The following DPP6 variants were observed in gnomAD, a reference collection of about 807,000 sequenced individuals.
The protein encoded by DPP6 is dipeptidyl peptidase like 6.
In DPP6, 69 loss-of-function variants were observed where a neutral mutation model predicts 122.6. The observed-to-expected ratio is 0.56, with a 90% confidence interval of 0.46 to 0.69. The LOEUF is 0.69. DPP6 is among the 30% of genes least tolerant of loss of function. The probability of loss-of-function intolerance (pLI) is 0.00; values close to 1 mark genes in which losing one functional copy is unlikely to be tolerated. For synonymous variants in DPP6, 418 were observed against 433.1 expected (o/e 0.97, Z 0.43); for missense variants, 928 against 1,116.9 (o/e 0.83, Z 2.41).
chr7:154,575,328 G>A (rs1831514484), intron 5 of DPP6, among the ~76,000 whole-genome samples: 1 of 131,692 alleles, frequency 7.6e-6, no homozygotes, highest in Non-Finnish European at 1.6e-5. Context: ...GTGTGTATGT[G>A]TGTGTGGTGT....
intron 6 of DPP6, among the ~76,000 whole-genome samples, chr7:154,662,149 A>G (rs1402037619): frequency 6.6e-6 from 1 of 150,476 alleles, no homozygotes; most frequent in African/African-American, 2.5e-5. Context: ...GTGAATCACC[A>G]TGGCATATTG....
intron 8 of DPP6, among the ~76,000 whole-genome samples, chr7:154,732,045 G>GTT (rs534234100): frequency 3.4e-5 from 5 of 145,698 alleles, no homozygotes; most frequent in East Asian, 2.0e-4. Context: ...TCTTTTGTTT[G>GTT]TTTTTTTTTT....
intron 3 of DPP6, among the ~76,000 whole-genome samples, chr7:154,521,667 T>G (rs1477193194): frequency 3.3e-5 from 5 of 152,252 alleles, no homozygotes; most frequent in African/African-American, 1.2e-4. Flanking sequence ...CCAAATAATT[T>G]CCAAGCTGTG....
intron 1 of DPP6, among the ~76,000 whole-genome samples, chr7:154,281,892 G>A (rs1339199287): frequency 6.6e-6 from 1 of 152,156 alleles, no homozygotes; most frequent in Non-Finnish European, 1.5e-5. Flanking sequence ...CCTCATCTTG[G>A]CCTGAAAAGA....
chr7:154,479,466 C>G (rs1179798131), intron 3 of DPP6, among the ~76,000 whole-genome samples: 1 of 148,530 alleles, frequency 6.7e-6, no homozygotes, highest in Admixed American at 6.9e-5. Flanking sequence ...GCTAAGGCAG[C>G]AGAATCACTC....
intron 1 of DPP6, among the ~76,000 whole-genome samples, chr7:154,235,805 C>T (rs1295632062): frequency 6.6e-6 from 1 of 152,118 alleles, no homozygotes; most frequent in African/African-American, 2.4e-5. Flanking sequence ...GGTGTATTAC[C>T]TGGGCAACTA....
At chr7:154,056,680 T>C (rs555036633) in intron 1 of DPP6, among the ~76,000 whole-genome samples, 1 of 152,280 alleles carries the variant, frequency 6.6e-6, no homozygotes, top group East Asian at 1.9e-4. Flanking sequence ...ACCCATGATG[T>C]CCACCAGCCT....
intron 1 of DPP6, among the ~76,000 whole-genome samples, chr7:154,176,159 T>C (rs1197884997): frequency 1.3e-5 from 2 of 152,186 alleles, no homozygotes; most frequent in Non-Finnish European, 2.9e-5. Context: ...AGCAAGTGAA[T>C]TGAGTAAAAG....
chr7:153,778,508 T>G, the DPP6 span, among the ~76,000 whole-genome samples: 1 of 150,196 alleles, frequency 6.7e-6, no homozygotes, highest in African/African-American at 2.5e-5. Context: ...GGTTCAGGTT[T>G]ATTTAGGTAT....
At chr7:154,187,443 C>A (rs1256002169) in intron 1 of DPP6, among the ~76,000 whole-genome samples, 1 of 152,174 alleles carries the variant, frequency 6.6e-6, no homozygotes, top group South Asian at 2.1e-4. Context: ...ATCTGTAAAT[C>A]TGGTTATTGG....
the DPP6 span, among the ~76,000 whole-genome samples, chr7:153,773,145 G>A: frequency 6.7e-6 from 1 of 148,498 alleles, no homozygotes; most frequent in Admixed American, 6.7e-5. Flanking sequence ...TACTATGTAT[G>A]CGTGCACCTA....
the DPP6 span, among the ~76,000 whole-genome samples, chr7:153,830,608 C>T: frequency 3.0e-3 from 458 of 152,272 alleles, 15 homozygotes; most frequent in East Asian, 0.067. Context: ...TTTTCTCTCC[C>T]TGTTAATTTC....
chr7:154,873,944 A>T (rs938688778), intron 19 of DPP6, among the ~76,000 whole-genome samples: 1 of 145,460 alleles, frequency 6.9e-6, no homozygotes, highest in Non-Finnish European at 1.5e-5. Flanking sequence ...ATGTGCACAC[A>T]TGCACACACA....
rs1804988163 is a variant in DPP6 at position 154,877,512 on chromosome 7, A to G, written c.2078+1412A>G. ...AGGTTGATGAATCCAGACACCAACA[A>G]TGTCACCAACGACCCAGGCTCTCTC... On this transcript the variant is annotated intron_variant, in intron 20 of 25. Coordinates refer to ENST00000377770, the MANE Select transcript of DPP6 (RefSeq NM_130797.4). The surrounding 1 kb of genome is among the most constrained non-coding windows in gnomAD (Gnocchi z 5.2). 6.6e-6 allele frequency among the ~76,000 whole-genome samples: 1 copy of G among 152,024 alleles called. No individual in the cohort carries two copies. The highest frequency in any genetic ancestry group is 1.5e-5 in the Non-Finnish European group (1 of 67,988).
intron 5 of DPP6, among the ~76,000 whole-genome samples, chr7:154,584,277 GCCT>G (rs1418481731): frequency 6.6e-6 from 1 of 152,182 alleles, no homozygotes; most frequent in Non-Finnish European, 1.5e-5. Flanking sequence ...GGGAGCACCT[GCCT>G]CCTCCACTGA....
chr7:153,943,263 C>T (rs1249548914), intron 1 of DPP6, among the ~76,000 whole-genome samples: 1 of 152,144 alleles, frequency 6.6e-6, no homozygotes, highest in African/African-American at 2.4e-5. Flanking sequence ...GAGATATTTT[C>T]GGGCAGAGGT....
intron 8 of DPP6, among the ~76,000 whole-genome samples, chr7:154,732,185 G>A (rs557670633): frequency 2.7e-5 from 4 of 146,884 alleles, no homozygotes; most frequent in East Asian, 2.0e-4. Flanking sequence ...ACTAACAGGC[G>A]CCTGCCACCA....
At chr7:153,757,385 A>G in the DPP6 span, among the ~76,000 whole-genome samples, 1 of 152,228 alleles carries the variant, frequency 6.6e-6, no homozygotes, top group African/African-American at 2.4e-5. Flanking sequence ...TCATAAACCA[A>G]AAAAGCTGAC....
At chr7:154,156,143 G>A (rs1430160549) in intron 1 of DPP6, among the ~76,000 whole-genome samples, 13 of 152,186 alleles carry the variant, frequency 8.5e-5, no homozygotes, top group African/African-American at 3.1e-4. Context: ...AGGAGCTCTG[G>A]GACTTGCACC....
Sources: gnomAD v4.1 joint callset for allele counts (sites outside exome capture counted in the v4.1 genomes callset) on GRCh38, gnomAD v4.1.1 for gene constraint, Gnocchi (gnomAD v3.1) non-coding constraint, MANE v1.5 for transcripts, NCBI Gene and HGNC (gene_info 2026-07-23, HGNC 2026-07-21) for gene names.